ATRNL1: variants seen among roughly 807,000 people sequenced by gnomAD.
ATRNL1 encodes attractin-like protein 1.
Under a neutral mutation model 182.7 loss-of-function variants are expected in ATRNL1, and 95 were observed. The observed-to-expected ratio is 0.52, with a 90% CI of 0.44 to 0.62. The LOEUF (loss-of-function observed/expected upper bound fraction) is 0.62. Among genes scored for constraint, ATRNL1 ranks in the 20% least tolerant of loss-of-function variants. The pLI is 0.00. For missense variants in ATRNL1, 1,471 were observed against 1,679.5 expected, an observed-to-expected ratio of 0.88 and a Z score of 2.17; for synonymous variants, 576 against 568.3, an observed-to-expected ratio of 1.01 and a Z score of -0.19.
chr10:115,584,590 G>T (rs1455204964), intron 26 of ATRNL1, among the ~76,000 whole-genome samples: 1 of 144,128 alleles, frequency 6.9e-6, no homozygotes, highest in African/African-American at 2.5e-5. Context: ...GGGATCGGTG[G>T]TGATATCTCC....
intron 26 of ATRNL1, among the ~76,000 whole-genome samples, chr10:115,706,696 A>G (rs1224038140): frequency 6.6e-6 from 1 of 151,918 alleles, no homozygotes; most frequent in Non-Finnish European, 1.5e-5. Context: ...TTGTCATTAT[A>G]TTTTTAGGCC....
chr10:115,137,313 A>C (rs76351609), intron 5 of ATRNL1, among the ~76,000 whole-genome samples: 1,997 of 152,362 alleles, frequency 0.013, 45 homozygotes, highest in African/African-American at 0.045. Flanking sequence ...GTCTCCCAGC[A>C]TTCATTATAG....
intron 27 of ATRNL1, among the ~76,000 whole-genome samples, chr10:115,750,305 T>A (rs1389111058): frequency 4.0e-5 from 6 of 151,800 alleles, no homozygotes; most frequent in Non-Finnish European, 7.4e-5. Flanking sequence ...AAAACAGAAT[T>A]AAAATATATA....
At chr10:115,874,496 A>G (rs964828103) in intron 28 of ATRNL1, among the ~76,000 whole-genome samples, 2 of 152,214 alleles carry the variant, frequency 1.3e-5, no homozygotes, top group Non-Finnish European at 2.9e-5. Flanking sequence ...AGAGAAAGAA[A>G]TCAATGTTAA....
intron 26 of ATRNL1, among the ~76,000 whole-genome samples, chr10:115,609,481 A>G (rs1191099824): frequency 6.6e-6 from 1 of 152,222 alleles, no homozygotes; most frequent in Admixed American, 6.6e-5. Flanking sequence ...AAACTATTAA[A>G]TAACCGAATA....
intron 9 of ATRNL1, among the ~76,000 whole-genome samples, chr10:115,218,691 G>T (rs1295599786): frequency 6.6e-6 from 1 of 152,128 alleles, no homozygotes; most frequent in Admixed American, 6.5e-5. Context: ...ATTCCAGTTT[G>T]GCATTGAATG....
In ATRNL1 at chr10:115,775,594, A is replaced by C. The variant is rs530825950; in HGVS notation, c.3903+48239A>C. Among the ~76,000 whole-genome samples the C allele has an allele frequency of 2.6e-5, 4 of 152,304 alleles. No homozygotes were observed. The East Asian group carries it at 7.7e-4, about 29-fold the overall frequency. ...TATATGGACTTCAAAATATATAATA[A>C]ATCTTAAGGAGTCAGTGCAATAATT... On this transcript the variant is annotated intron_variant, in intron 27 of 28. Transcript: ENST00000355044.
intron 21 of ATRNL1, among the ~76,000 whole-genome samples, chr10:115,461,141 G>A (rs1376133124): frequency 6.6e-6 from 1 of 151,690 alleles, no homozygotes; most frequent in African/African-American, 2.4e-5. Context: ...AATGGTTAAG[G>A]GTATAATATG....
intron 9 of ATRNL1, among the ~76,000 whole-genome samples, chr10:115,227,135 C>T (rs1409203073): frequency 6.6e-6 from 1 of 152,118 alleles, no homozygotes; most frequent in African/African-American, 2.4e-5. Context: ...AGCAAACAGA[C>T]AGCCTACAAA....
chr10:115,465,218 G>A (rs1554970544), intron 22 of ATRNL1, among the ~76,000 whole-genome samples: 1 of 151,570 alleles, frequency 6.6e-6, no homozygotes, highest in African/African-American at 2.4e-5. Flanking sequence ...TACTGTATAT[G>A]AAACTGTTAT....
chr10:115,796,691 T>G (rs1247117707), intron 27 of ATRNL1, among the ~76,000 whole-genome samples: 1 of 152,226 alleles, frequency 6.6e-6, no homozygotes, highest in Non-Finnish European at 1.5e-5. Context: ...CCTTTGAGCA[T>G]TATTTTCGAA....
intron 1 of ATRNL1, among the ~76,000 whole-genome samples, chr10:115,106,214 T>C (rs1349120550): frequency 8.5e-5 from 13 of 152,354 alleles, no homozygotes; most frequent in African/African-American, 2.9e-4. Context: ...TTGACTACCC[T>C]GTTGGATTTC....
chr10:115,915,868 A>C (rs1444130076), intron 28 of ATRNL1, among the ~76,000 whole-genome samples: 8 of 152,170 alleles, frequency 5.3e-5, no homozygotes, highest in African/African-American at 1.7e-4. Flanking sequence ...GACCCTGGAG[A>C]ATTGTATAAG....
chr10:115,918,479 A>G (rs1454238585), intron 28 of ATRNL1, among the ~76,000 whole-genome samples: 1 of 152,238 alleles, frequency 6.6e-6, no homozygotes, highest in African/African-American at 2.4e-5. Context: ...CTTGTGGAAT[A>G]TAAGGTTAAG....
At chr10:115,193,022 A>C (rs1848227385) in intron 8 of ATRNL1, among the ~76,000 whole-genome samples, 1 of 151,894 alleles carries the variant, frequency 6.6e-6, no homozygotes, top group Admixed American at 6.6e-5. Flanking sequence ...ACAAGGAAAA[A>C]CTTGATTTCT....
chr10:115,586,777 C>T (rs1345887706), intron 26 of ATRNL1, among the ~76,000 whole-genome samples: 2 of 117,510 alleles, frequency 1.7e-5, no homozygotes, highest in Non-Finnish European at 3.8e-5. Context: ...CTCCGTCCAG[C>T]TTTGTTCCAT....
chr10:115,748,567 A>G (rs943659397), intron 27 of ATRNL1, among the ~76,000 whole-genome samples: 44 of 151,706 alleles, frequency 2.9e-4, no homozygotes, highest in Admixed American at 2.6e-3. Context: ...GTATGTCACT[A>G]TTTACTCACC....
At chr10:115,326,943 T>C (rs1224249201) in intron 18 of ATRNL1, among the ~76,000 whole-genome samples, 2 of 152,144 alleles carry the variant, frequency 1.3e-5, no homozygotes, top group East Asian at 1.9e-4. Context: ...TGAAGATGGA[T>C]TAAAGACTTA....
At chr10:115,385,407 G>T (rs1858280761) in intron 19 of ATRNL1, among the ~76,000 whole-genome samples, 1 of 151,824 alleles carries the variant, frequency 6.6e-6, no homozygotes, top group South Asian at 2.1e-4. Context: ...TAAAAACTGG[G>T]CTATTTTTCT....
Sources: allele counts gnomAD v4.1 joint callset (sites outside exome capture counted in the v4.1 genomes callset), GRCh38; gene constraint gnomAD v4.1.1; transcripts MANE v1.5; gene names NCBI Gene and HGNC (gene_info 2026-07-23, HGNC 2026-07-21).